HBE1: variants seen among roughly 807,000 people sequenced by gnomAD.
HBE1 encodes the protein hemoglobin subunit epsilon 1, also known as hemoglobin subunit epsilon.
HBE1 carries 10 observed loss-of-function variants against 12.1 expected under a neutral mutation model. The ratio of observed to expected loss-of-function variants is 0.83; its 90% CI spans 0.51 to 1.40. HBE1 has a LOEUF of 1.40. HBE1 is among the 40% of genes most tolerant of loss of function. The probability of loss-of-function intolerance (pLI) is 0.00; values close to 1 mark genes in which losing one functional copy is unlikely to be tolerated. For synonymous variants in HBE1, 78 were observed against 70.4 expected, an observed-to-expected ratio of 1.11 and a Z score of -0.54; for missense variants, 172 against 175.8, an observed-to-expected ratio of 0.98 and a Z score of 0.12.
At position 5,269,447 on chromosome 11, in the gene HBE1, A is replaced by T; in HGVS notation, c.315+7T>A. ...CAAAAAATCACATCACCAGCACCTG[A>T]ACTCACCTTGAAGTTCTCAGGATCC... On this transcript the variant is annotated splice_region_variant and intron_variant, in intron 2 of 2. Coordinates refer to ENST00000396895, the MANE Select transcript of HBE1 (RefSeq NM_005330.4). The T allele has an allele frequency of 6.2e-7, 1 of 1,601,072 alleles. No individual in the cohort carries two copies. The highest frequency in any genetic ancestry group is 8.6e-7 in the Non-Finnish European group (1 of 1,168,092).
rs529279164 is a variant in HBE1 at position 5,269,837 on chromosome 11, C to G, written c.54G>C (p.Lys18Asn). The change falls in exon 1 of 3, where the codon AAG becomes AAC. Residue 18 changes from lysine to asparagine, a missense_variant. Transcript: ENST00000396895. ...EKAAVTSLWS[K>N]MNVEEAGGEA... is the part of the protein sequence containing the mutation. ...CACCTCCAGCCTCTTCCACATTCAT[C>G]TTGCTCCACAGGCTAGTGACGGCAG... is the stretch of plus-strand genomic sequence containing the variant. 23 of 1,614,048 alleles carry G rather than the reference C, an allele frequency of 1.4e-5. No individual in the cohort carries two copies. In the South Asian group the frequency reaches 2.4e-4, roughly 17 times the overall value.
intron 2 of HBE1, 69 bp from the exon 3 acceptor site, chr11:5,268,666 A>AAAAT (rs1554924087): frequency 1.5e-5 from 16 of 1,075,310 alleles, no homozygotes; most frequent in South Asian, 4.2e-5. Flanking sequence ...ACTTGATGAA[A>AAAAT]AAACAAACAA....
chr11:5,268,542 G>A lies in HBE1; in HGVS notation c.371C>T (p.Thr124Ile). 25 of 1,613,704 alleles carry A rather than the reference G, an allele frequency of 1.5e-5. No homozygotes were observed. The highest frequency in any genetic ancestry group is 2.1e-5 in the Non-Finnish European group (25 of 1,179,602). ...ILATHFGKEF[T>I]PEVQAAWQKL... ...CTGCCAGGCAGCCTGCACTTCAGGGGTGAACTCCTTGCCAAAGTGAGTAGC... is the reference window on the plus strand; with the variant it reads ...CTGCCAGGCAGCCTGCACTTCAGGGATGAACTCCTTGCCAAAGTGAGTAGC... The change falls in exon 3 of 3, where the codon ACC (threonine) becomes ATC (isoleucine). Residue 124 changes from threonine (T) to isoleucine (I), a missense_variant. Transcript: ENST00000396895.
rs1339205846 is a variant in HBE1 at position 5,269,840 on chromosome 11, G to T, written c.51C>A (p.Ser17Arg). The T allele has an allele frequency of 6.2e-7, 1 of 1,613,880 alleles. No homozygotes were observed. Among genetic ancestry groups the T allele is most frequent in the Non-Finnish European group, 8.5e-7 (1 of 1,179,882 alleles). ...EEKAAVTSLWSKMNVEEAGGE... is the reference protein window; with the variant it reads ...EEKAAVTSLWRKMNVEEAGGE... ...CTCCAGCCTCTTCCACATTCATCTTGCTCCACAGGCTAGTGACGGCAGCCT... is the reference window on the plus strand; with the variant it reads ...CTCCAGCCTCTTCCACATTCATCTTTCTCCACAGGCTAGTGACGGCAGCCT... The change falls in exon 1 of 3, where the codon AGC becomes AGA. Residue 17 changes from serine to arginine, a missense_variant. Coordinates refer to ENST00000396895, the MANE Select transcript of HBE1 (RefSeq NM_005330.4).
At position 5,268,590 on chromosome 11, in the gene HBE1, C is replaced by T. The variant is rs985171291; in HGVS notation, c.323G>A (p.Gly108Asp). Residue 108 changes from glycine (G) to aspartate (D), a missense_variant, in exon 3 of 3, where the codon GGT becomes GAT. Transcript: ENST00000396895. ...HVDPENFKLL[G>D]NVMVIILATH... Reference sequence around the variant, plus strand: ...AGCCAGAATAATCACCATCACGTTACCCAGGAGCTGTTAGGCAAAAGACAA... The same window carrying T: ...AGCCAGAATAATCACCATCACGTTATCCAGGAGCTGTTAGGCAAAAGACAA... The T allele has an allele frequency of 6.2e-7, 1 of 1,613,086 alleles. No individual in the cohort carries two copies. Among genetic ancestry groups the T allele is most frequent in the Admixed American group, 1.7e-5 (1 of 59,970 alleles).
At chr11:5,269,702 C>A in intron 1 of HBE1, 26 bp from the exon 2 acceptor site, 1 of 1,590,846 alleles carries the variant, frequency 6.3e-7, no homozygotes, top group Non-Finnish European at 8.6e-7. Flanking sequence ...ATATCAGATA[C>A]AAAATTAGAG....
chr11:5,269,590 T>C lies in HBE1; in HGVS notation c.179A>G (p.Lys60Arg). 1.9e-6 allele frequency: 3 copies of C among 1,613,886 alleles called. No homozygotes were observed. The highest frequency in any genetic ancestry group is 2.2e-5 in the East Asian group (1 of 44,872). Residue 60 changes from lysine (K) to arginine (R), a missense_variant, in exon 2 of 3, where the codon AAG (lysine) becomes AGG (arginine). Lys to Arg is a conservative substitution (Grantham distance 26). Coordinates refer to ENST00000396895, the MANE Select transcript of HBE1 (RefSeq NM_005330.4). ...CACCTTCTTGCCATGGGCCTTGACC[T>C]TGGGGTTGCCCAGGATGGCAGAGGG... ...SSPSAILGNP[K>R]VKAHGKKVLT...
chr11:5,269,250 C>T (rs1848165694), intron 2 of HBE1, among the ~76,000 whole-genome samples: 1 of 152,108 alleles, frequency 6.6e-6, no homozygotes, highest in South Asian at 2.1e-4. Flanking sequence ...AAAGTTAAGC[C>T]AATTCAGGCT....
Position 5,268,439 on chromosome 11 carries a change from C to T in HBE1, c.*30G>A, listed in dbSNP as rs1473518088. 3 of 1,604,874 alleles carry T rather than the reference C, an allele frequency of 1.9e-6. No homozygotes were observed. Among genetic ancestry groups the T allele is most frequent in the South Asian group, 2.2e-5 (2 of 90,290 alleles). Reference sequence around the variant, plus strand: ...ATGTGCAGAAGGAGGGTGTCAGGGTCACAGGAACACCTGCAAACTGGAAGA... The same window carrying T: ...ATGTGCAGAAGGAGGGTGTCAGGGTTACAGGAACACCTGCAAACTGGAAGA... On this transcript the variant is annotated 3_prime_UTR_variant, in exon 3 of 3. Coordinates refer to ENST00000396895, the MANE Select transcript of HBE1 (RefSeq NM_005330.4).
Position 5,269,840 on chromosome 11 carries a change from G to C in HBE1, c.51C>G (p.Ser17Arg). The change falls in exon 1 of 3, where the codon AGC becomes AGG. Residue 17 changes from serine (S) to arginine (R), a missense_variant. By Grantham distance (110) the Ser-to-Arg change is moderately radical. Coordinates refer to ENST00000396895, the MANE Select transcript of HBE1 (RefSeq NM_005330.4). Reference protein sequence around the residue: ...EEKAAVTSLWSKMNVEEAGGE... With the variant: ...EEKAAVTSLWRKMNVEEAGGE... ...CTCCAGCCTCTTCCACATTCATCTT[G>C]CTCCACAGGCTAGTGACGGCAGCCT... 1 of 1,613,880 alleles carries C rather than the reference G, an allele frequency of 6.2e-7. No homozygotes were observed. The highest frequency in any genetic ancestry group is 8.5e-7 in the Non-Finnish European group (1 of 1,179,882).
rs756606750 is a variant in HBE1, at chr11:5,269,433, A to C, written c.315+21T>G. 7.7e-6 allele frequency: 12 copies of C among 1,552,286 alleles called. No homozygotes were observed. In the South Asian group the frequency reaches 1.3e-4, roughly 17 times the overall value. On this transcript the variant is annotated intron_variant, in intron 2 of 2. Transcript: ENST00000396895. ...TCAAAATATAAAGCCAAAAAATCAC[A>C]TCACCAGCACCTGAACTCACCTTGA...
At chr11:5,268,891 G>C (rs1481000809) in intron 2 of HBE1, among the ~76,000 whole-genome samples, 1 of 152,060 alleles carries the variant, frequency 6.6e-6, no homozygotes, top group Non-Finnish European at 1.5e-5. Context: ...TTAAGCAATT[G>C]TCTAATTTTT....
rs746645107 is a variant in HBE1 at position 5,269,857 on chromosome 11, C to T, written c.34G>A (p.Val12Ile). 1.9e-5 allele frequency: 31 copies of T among 1,613,820 alleles called. No individual in the cohort carries two copies. The highest frequency in any genetic ancestry group is 1.3e-4 in the East Asian group (6 of 44,874). ...VHFTAEEKAA[V>I]TSLWSKMNVE... ...TTCATCTTGCTCCACAGGCTAGTGACGGCAGCCTTCTCCTCAGCAGTAAAA... is the reference window on the plus strand; with the variant it reads ...TTCATCTTGCTCCACAGGCTAGTGATGGCAGCCTTCTCCTCAGCAGTAAAA... The change falls in exon 1 of 3, where the codon GTC becomes ATC. Residue 12 changes from valine to isoleucine, a missense_variant. Coordinates refer to ENST00000396895, the MANE Select transcript of HBE1 (RefSeq NM_005330.4).
Position 5,268,353 on chromosome 11 carries a change from T to G in HBE1, c.*116A>C. On this transcript the variant is annotated 3_prime_UTR_variant, in exon 3 of 3. Coordinates refer to ENST00000396895, the MANE Select transcript of HBE1 (RefSeq NM_005330.4). ...AGAAGATAAAATTGCAATTTTTGAT[T>G]ACTGAAGAAAATGTACTTTATTAAA... is the stretch of plus-strand genomic sequence containing the variant. 1 of 929,496 alleles carries G rather than the reference T, an allele frequency of 1.1e-6. No individual in the cohort carries two copies. The highest frequency in any genetic ancestry group is 1.6e-6 in the Non-Finnish European group (1 of 628,812). 57.6% of individuals were successfully genotyped at this position (929,496 alleles called of 1,614,324 possible). A position where few individuals can be genotyped will look rare whatever the true frequency, so the allele number is the denominator to read the frequency against.
At chr11:5,268,674 C>T in intron 2 of HBE1, 77 bp from the exon 3 acceptor site, 1 of 1,371,628 alleles carries the variant, frequency 7.3e-7, no homozygotes, top group Non-Finnish European at 1.0e-6. Flanking sequence ...AAAAAACAAA[C>T]AAACAAACAA....
At chr11:5,268,663 G>GAAAAAACA in intron 2 of HBE1, 66 bp from the exon 3 acceptor site, 1 of 1,089,712 alleles carries the variant, frequency 9.2e-7, no homozygotes, top group Non-Finnish European at 1.3e-6. Context: ...ACAACTTGAT[G>GAAAAAACA]AAAAAACAAA....
At position 5,269,680 on chromosome 11, in the gene HBE1, T is replaced by G; in HGVS notation, c.93-4A>C. 1 of 1,607,024 alleles carries G rather than the reference T, an allele frequency of 6.2e-7. No individual in the cohort carries two copies. Among genetic ancestry groups the G allele is most frequent in the Non-Finnish European group, 8.5e-7 (1 of 1,173,854 alleles). On this transcript the variant is annotated splice_polypyrimidine_tract_variant and splice_region_variant and intron_variant, in intron 1 of 2. Coordinates refer to ENST00000396895, the MANE Select transcript of HBE1 (RefSeq NM_005330.4). ...CCAGGGGTAAACAACGAGGAGTCTA[T>G]GAAATGACACCATATCAGATACAAA... is the stretch of plus-strand genomic sequence containing the variant.
chr11:5,268,666 A>AAAACAAAC lies in HBE1; in HGVS notation c.316-77_316-70dup, dbSNP rs3061750. 5.6e-5 allele frequency: 60 copies of AAAACAAAC among 1,075,402 alleles called. 1 individual carries two copies. Among genetic ancestry groups the AAAACAAAC allele is most frequent in the South Asian group, 1.3e-4 (9 of 70,900 alleles). The allele number at this position is 1,075,402 out of a possible 1,614,324, so 66.6% of individuals were successfully genotyped here. The stretch of plus-strand genomic sequence containing the variant: ...AAGTTTCCGAAAACAACTTGATGAA[A>AAAACAAAC]AAACAAACAAACAAACAAAAACGGC... On this transcript the variant is annotated intron_variant, in intron 2 of 2. Transcript: ENST00000396895.
At chr11:5,268,698 C>T in intron 2 of HBE1, 101 bp from the exon 3 acceptor site, 6 of 1,078,844 alleles carry the variant, frequency 5.6e-6, no homozygotes, top group Non-Finnish European at 8.3e-6. Flanking sequence ...CGGCTTTATA[C>T]CTACATTCCT....
Sources: gnomAD v4.1 joint callset for allele counts (sites outside exome capture counted in the v4.1 genomes callset) on GRCh38, gnomAD v4.1.1 for gene constraint, MANE v1.5 for transcripts, NCBI Gene and HGNC (gene_info 2026-07-23, HGNC 2026-07-21) for gene names.